The following AFG3L2 variants were observed in gnomAD, a reference collection of about 807,000 sequenced individuals.
AFG3L2 encodes AFG3 like matrix AAA peptidase subunit 2.
In AFG3L2, 54 loss-of-function variants were observed where a neutral mutation model predicts 94.5. The ratio of observed to expected loss-of-function variants is 0.57; its 90% confidence interval spans 0.46 to 0.72. AFG3L2 has a LOEUF of 0.72. Ranked by LOEUF, AFG3L2 falls within the 30% of genes least tolerant of loss-of-function variation. The pLI is 0.00. For synonymous variants in AFG3L2, 377 were observed against 365.5 expected, an observed-to-expected ratio of 1.03 and a Z score of -0.36; for missense variants, 754 against 994.9, an observed-to-expected ratio of 0.76 and a Z score of 3.26.
At chr18:12,347,981 T>C (rs1372443144) in intron 13 of AFG3L2, among the ~76,000 whole-genome samples, 2 of 152,226 alleles carry the variant, frequency 1.3e-5, no homozygotes, top group Non-Finnish European at 2.9e-5. Flanking sequence ...GGTAGACACC[T>C]CGCTGCTGGC....
chr18:12,343,523 A>T (rs1908021798), intron 14 of AFG3L2: 1 of 155,518 alleles, frequency 6.4e-6, no homozygotes, highest in Non-Finnish European at 1.4e-5. Context: ...CCTCAGTTGA[A>T]AAGCAAAAAA....
intron 13 of AFG3L2, 113 bp from the exon 14 acceptor site, chr18:12,344,360 G>C (rs1235253025): frequency 2.8e-5 from 24 of 866,660 alleles, no homozygotes. Flanking sequence ...TGGAGACTGA[G>C]CTGCCTATCA....
At chr18:12,364,914 C>T (rs923236380) in intron 5 of AFG3L2, among the ~76,000 whole-genome samples, 2 of 152,138 alleles carry the variant, frequency 1.3e-5, no homozygotes, top group African/African-American at 4.8e-5. Context: ...AAGTGATCCT[C>T]CCACCTCAGC....
At chr18:12,332,002 C>A (rs947022889) in intron 16 of AFG3L2, among the ~76,000 whole-genome samples, 2 of 151,834 alleles carry the variant, frequency 1.3e-5, no homozygotes, top group African/African-American at 2.4e-5. Context: ...GGACCCCTAC[C>A]GGAGTACACA....
At chr18:12,376,604 C>A (rs1020769554) in intron 1 of AFG3L2, among the ~76,000 whole-genome samples, 1 of 152,248 alleles carries the variant, frequency 6.6e-6, no homozygotes, top group Non-Finnish European at 1.5e-5. Context: ...GCGACTACAT[C>A]GTGCTCGTGC....
Position 12,351,464 on chromosome 18 carries a change from C to A in AFG3L2, c.1319-51G>T, listed in dbSNP as rs118126456. On this transcript the variant is annotated intron_variant, in intron 10 of 16. Transcript: ENST00000269143. ...CTATTAAATGACAAGAGGCAGAAAGCAACAGTGCACCATCAGGAACATATG... is the reference window on the plus strand; with the variant it reads ...CTATTAAATGACAAGAGGCAGAAAGAAACAGTGCACCATCAGGAACATATG... 2.1e-3 allele frequency: 3,174 copies of A among 1,487,870 alleles called. 25 individuals are homozygous for A. Among genetic ancestry groups the A allele is most frequent in the African/African-American group, 9.2e-3 (667 of 72,564 alleles). 92.2% of individuals were successfully genotyped at this position (1,487,870 alleles called of 1,614,324 possible). A position where few individuals can be genotyped will look rare whatever the true frequency, so the allele number is the denominator to read the frequency against.
intron 9 of AFG3L2, among the ~76,000 whole-genome samples, chr18:12,354,040 C>T (rs1002784539): frequency 6.6e-6 from 1 of 151,644 alleles, no homozygotes; most frequent in Admixed American, 6.6e-5. Flanking sequence ...AACCTGCAGT[C>T]AGGAAGAGGA....
chr18:12,329,939 T>G (rs535988457), intron 16 of AFG3L2, 156 bp from the exon 17 acceptor site: 6 of 680,046 alleles, frequency 8.8e-6, no homozygotes, highest in Admixed American at 5.3e-5. Context: ...TAGAGTAAGA[T>G]GTGCAAAATA....
intron 16 of AFG3L2, among the ~76,000 whole-genome samples, chr18:12,331,272 G>A (rs549719407): frequency 3.3e-5 from 5 of 152,222 alleles, no homozygotes; most frequent in South Asian, 2.1e-4. Flanking sequence ...ATGCCTGCAC[G>A]ACGACAAAAT....
Position 12,376,987 on chromosome 18 carries a change from C to A in AFG3L2, c.96G>T (p.Glu32Asp). The change falls in exon 1 of 17, where the codon GAG (glutamate) becomes GAT (aspartate). Residue 32 changes from glutamate (E) to aspartate (D), a missense_variant. Transcript: ENST00000269143. ...GACTCACCGTCCGGAGGCAGGGCTG[C>A]TCGCCCGGGCCCACGCCGCCAGGCA... ...LLVPGGVGPG[E>D]QPCLRTLYRF... is the part of the protein sequence containing the mutation. 1 of 1,460,658 alleles carries A rather than the reference C, an allele frequency of 6.8e-7. No homozygotes were observed. The allele number at this position is 1,460,658 out of a possible 1,614,324, so 90.5% of individuals were successfully genotyped here.
intron 15 of AFG3L2, among the ~76,000 whole-genome samples, chr18:12,339,083 C>T (rs1907849319): frequency 6.6e-6 from 1 of 151,328 alleles, no homozygotes; most frequent in South Asian, 2.1e-4. Context: ...GAAATGCCTG[C>T]CTCTACTAAA....
At chr18:12,367,766 T>C (rs1028222748) in intron 3 of AFG3L2, among the ~76,000 whole-genome samples, 1 of 152,186 alleles carries the variant, frequency 6.6e-6, no homozygotes, top group Non-Finnish European at 1.5e-5. Context: ...TTAAAGTGTG[T>C]TCTGGCCACG....
In AFG3L2 at chr18:12,344,112, G is replaced by C. The variant is rs779432036; in HGVS notation, c.1779+20C>G. The C allele has an allele frequency of 6.2e-7, 1 of 1,604,176 alleles. No homozygotes were observed. Among genetic ancestry groups the C allele is most frequent in the East Asian group, 2.2e-5 (1 of 44,844 alleles). Reference sequence around the variant, plus strand: ...TGCTCACCCATGCACTGGCTGCCTAGTGCAGCTACCCTGCTTCACCTTTAA... The same window carrying C: ...TGCTCACCCATGCACTGGCTGCCTACTGCAGCTACCCTGCTTCACCTTTAA... On this transcript the variant is annotated intron_variant, in intron 14 of 16. Coordinates refer to ENST00000269143, the MANE Select transcript of AFG3L2 (RefSeq NM_006796.3).
intron 3 of AFG3L2, among the ~76,000 whole-genome samples, chr18:12,369,138 G>A (rs1039537930): frequency 5.9e-5 from 9 of 152,020 alleles, no homozygotes; most frequent in Non-Finnish European, 8.8e-5. Context: ...TAAAAAACAC[G>A]CAGTAAGCAC....
At chr18:12,355,947 C>A (rs2143182755) in intron 9 of AFG3L2, among the ~76,000 whole-genome samples, 1 of 152,162 alleles carries the variant, frequency 6.6e-6, no homozygotes, top group East Asian at 1.9e-4. Context: ...GCTGGGATAT[C>A]AAGTGTGAGC....
chr18:12,336,598 T>C (rs1215538466), intron 16 of AFG3L2, among the ~76,000 whole-genome samples: 1 of 152,156 alleles, frequency 6.6e-6, no homozygotes, highest in African/African-American at 2.4e-5. Flanking sequence ...CTACTGCAAT[T>C]CCCCTGTCTT....
At position 12,344,122 on chromosome 18, in the gene AFG3L2, C is replaced by T. The variant is rs747162830; in HGVS notation, c.1779+10G>A. 4 of 1,611,768 alleles carry T rather than the reference C, an allele frequency of 2.5e-6. No homozygotes were observed. Among genetic ancestry groups the T allele is most frequent in the Non-Finnish European group, 3.4e-6 (4 of 1,179,250 alleles). On this transcript the variant is annotated intron_variant, in intron 14 of 16. Coordinates refer to ENST00000269143, the MANE Select transcript of AFG3L2 (RefSeq NM_006796.3). ...TGCACTGGCTGCCTAGTGCAGCTAC[C>T]CTGCTTCACCTTTAAAAGCGGGTCT...
chr18:12,360,256 C>T, intron 6 of AFG3L2: 1 of 561,168 alleles, frequency 1.8e-6, no homozygotes, highest in African/African-American at 1.9e-5. Flanking sequence ...GGCAAATAAG[C>T]ATTTCTTTAG....
At chr18:12,363,683 G>A (rs908481443) in intron 6 of AFG3L2, 99 bp downstream of exon 6, 7 of 913,762 alleles carry the variant, frequency 7.7e-6, no homozygotes, top group South Asian at 1.3e-5. Flanking sequence ...TATATCTGGT[G>A]CGTATAACTC....
Sources: allele counts gnomAD v4.1 joint callset (sites outside exome capture counted in the v4.1 genomes callset), GRCh38; gene constraint gnomAD v4.1.1; transcripts MANE v1.5; gene names NCBI Gene and HGNC (gene_info 2026-07-23, HGNC 2026-07-21).